Variants in SGCZ observed in about 807,000 individuals in gnomAD.
SGCZ encodes the protein zeta-sarcoglycan.
Under a neutral mutation model 41.3 loss-of-function variants are expected in SGCZ, and 40 were observed. The ratio of observed to expected loss-of-function variants is 0.97; its 90% CI spans 0.75 to 1.26. The LOEUF is 1.26. SGCZ is among the 50% of genes most tolerant of loss of function. The pLI is 0.00. For missense variants in SGCZ, 552 were observed against 369.8 expected (o/e 1.49, Z -4.04); for synonymous variants, 206 against 137.5 (o/e 1.50, Z -3.49).
At chr8:14,956,896 G>A (rs1800811394) in intron 1 of SGCZ, among the ~76,000 whole-genome samples, 1 of 152,040 alleles carries the variant, frequency 6.6e-6, no homozygotes, top group African/African-American at 2.4e-5. Flanking sequence ...ATTTGGAACT[G>A]GCAGTCCTTT....
intron 4 of SGCZ, among the ~76,000 whole-genome samples, chr8:14,168,371 C>G (rs539726616): frequency 1.3e-5 from 2 of 152,182 alleles, no homozygotes; most frequent in South Asian, 4.2e-4. Flanking sequence ...TGTCTCCCCA[C>G]CCAAATTTCA....
chr8:14,476,070 A>T (rs528927838), intron 2 of SGCZ, among the ~76,000 whole-genome samples: 109 of 151,966 alleles, frequency 7.2e-4, no homozygotes, highest in African/African-American at 2.5e-3. Flanking sequence ...TTCCCAAAGT[A>T]TTGGGATTAC....
chr8:14,156,602 C>T (rs1317889459), intron 5 of SGCZ, among the ~76,000 whole-genome samples: 2 of 152,168 alleles, frequency 1.3e-5, no homozygotes, highest in Non-Finnish European at 2.9e-5. Flanking sequence ...AAAGCACAAC[C>T]ATGTATAGCT....
At chr8:14,527,019 AT>A (rs1245556859) in intron 2 of SGCZ, among the ~76,000 whole-genome samples, 1 of 152,038 alleles carries the variant, frequency 6.6e-6, no homozygotes, top group Non-Finnish European at 1.5e-5. Context: ...CTTTCTCAAT[AT>A]TCTGAGACAT....
chr8:14,574,525 T>C (rs1258409547), intron 1 of SGCZ, among the ~76,000 whole-genome samples: 1 of 152,186 alleles, frequency 6.6e-6, no homozygotes, highest in Non-Finnish European at 1.5e-5. Context: ...CAAAGAAGAA[T>C]CTGAGCAGAC....
chr8:14,629,511 A>G (rs953844791), intron 1 of SGCZ, among the ~76,000 whole-genome samples: 4 of 151,848 alleles, frequency 2.6e-5, no homozygotes, highest in Non-Finnish European at 5.9e-5. Context: ...TCTGTGAGGG[A>G]TATAAAAAGT....
At chr8:15,030,099 A>G (rs1279798709) in intron 1 of SGCZ, among the ~76,000 whole-genome samples, 1 of 152,164 alleles carries the variant, frequency 6.6e-6, no homozygotes, top group Admixed American at 6.5e-5. Context: ...AAATAATTAC[A>G]GAATATAGTG....
At chr8:14,744,624 T>C (rs1312414737) in intron 1 of SGCZ, among the ~76,000 whole-genome samples, 1 of 152,082 alleles carries the variant, frequency 6.6e-6, no homozygotes, top group Non-Finnish European at 1.5e-5. Context: ...TTGTATACAA[T>C]GGACAAGAAA....
intron 2 of SGCZ, among the ~76,000 whole-genome samples, chr8:14,327,204 T>G (rs560079258): frequency 6.6e-6 from 1 of 152,300 alleles, no homozygotes; most frequent in Admixed American, 6.5e-5. Context: ...ATTTTGGATT[T>G]GGAGATCTTG....
intron 5 of SGCZ, among the ~76,000 whole-genome samples, chr8:14,129,233 C>A (rs1022218286): frequency 4.0e-5 from 6 of 151,316 alleles, no homozygotes; most frequent in Non-Finnish European, 7.4e-5. Context: ...GTACTCCCAG[C>A]TACTCAGGAG....
intron 1 of SGCZ, among the ~76,000 whole-genome samples, chr8:15,016,368 CCACCAGGGGAATAA>C: frequency 6.6e-6 from 1 of 152,180 alleles, no homozygotes; most frequent in East Asian, 1.9e-4. Context: ...GCCATCTGAT[CCACCAGGGGAATAA>C]CATGGCGATG....
At chr8:14,935,093 A>G (rs1336694550) in intron 1 of SGCZ, among the ~76,000 whole-genome samples, 1 of 151,582 alleles carries the variant, frequency 6.6e-6, no homozygotes, top group Non-Finnish European at 1.5e-5. Flanking sequence ...GAATATTATG[A>G]TGAAAATAAA....
At chr8:14,944,344 C>T (rs1038530389) in intron 1 of SGCZ, among the ~76,000 whole-genome samples, 1 of 152,176 alleles carries the variant, frequency 6.6e-6, no homozygotes, top group Admixed American at 6.5e-5. Context: ...TTTTGAATAA[C>T]CAGTGTCCTG....
intron 1 of SGCZ, among the ~76,000 whole-genome samples, chr8:14,620,262 T>C (rs1806239780): frequency 6.6e-6 from 1 of 152,096 alleles, no homozygotes; most frequent in Non-Finnish European, 1.5e-5. Context: ...CTGGATCCCT[T>C]CCTTACACCT....
At chr8:14,902,382 G>A (rs578115179) in intron 1 of SGCZ, among the ~76,000 whole-genome samples, 1 of 152,224 alleles carries the variant, frequency 6.6e-6, no homozygotes, top group Admixed American at 6.5e-5. Flanking sequence ...CTTGGTCAGA[G>A]TGATCTCTTG....
At chr8:15,116,895 G>A (rs1191815432) in intron 1 of SGCZ, among the ~76,000 whole-genome samples, 1 of 152,184 alleles carries the variant, frequency 6.6e-6, no homozygotes, top group African/African-American at 2.4e-5. Flanking sequence ...TACAATCACA[G>A]ATACGTATTT....
intron 1 of SGCZ, among the ~76,000 whole-genome samples, chr8:14,633,645 C>T (rs1403389379): frequency 1.3e-5 from 2 of 151,830 alleles, no homozygotes; most frequent in East Asian, 3.9e-4. Flanking sequence ...TTAGGGAAGT[C>T]ATAACAGATC....
intron 1 of SGCZ, among the ~76,000 whole-genome samples, chr8:14,648,726 G>A (rs192123296): frequency 8.6e-5 from 13 of 151,974 alleles, no homozygotes; most frequent in South Asian, 2.1e-4. Flanking sequence ...ATAGACGGCC[G>A]AGTGTCTAGG....
chr8:14,598,045 C>A (rs1380313827), intron 1 of SGCZ, among the ~76,000 whole-genome samples: 1 of 152,048 alleles, frequency 6.6e-6, no homozygotes, highest in Non-Finnish European at 1.5e-5. Flanking sequence ...GGAGTTAGAG[C>A]AAAAATTATG....
Sources: allele counts gnomAD v4.1 joint callset (sites outside exome capture counted in the v4.1 genomes callset), GRCh38; gene constraint gnomAD v4.1.1; transcripts MANE v1.5; gene names NCBI Gene and HGNC (gene_info 2026-07-23, HGNC 2026-07-21).